The following TGFBR3 variants were observed in gnomAD, a reference collection of about 807,000 sequenced individuals.
The protein encoded by TGFBR3 is transforming growth factor beta receptor 3.
In TGFBR3, 46 loss-of-function variants were observed where a neutral mutation model predicts 87.9. The ratio of observed to expected loss-of-function variants is 0.52; its 90% CI spans 0.41 to 0.67. The LOEUF is 0.67. Among genes scored for constraint, TGFBR3 ranks in the 30% least tolerant of loss-of-function variants. The pLI is 0.00. For synonymous variants in TGFBR3, 381 were observed against 391.6 expected (o/e 0.97, Z 0.32); for missense variants, 866 against 1,041.9 (o/e 0.83, Z 2.32).
intron 10 of TGFBR3, 81 bp downstream of exon 10, chr1:91,719,231 A>C (rs954311538): frequency 8.8e-6 from 14 of 1,597,578 alleles, no homozygotes; most frequent in Non-Finnish European, 1.1e-5. Flanking sequence ...TTCATCTTCA[A>C]AGAAATGTTA....
intron 7 of TGFBR3, among the ~76,000 whole-genome samples, chr1:91,726,827 T>G (rs1020285768): frequency 7.0e-6 from 1 of 143,250 alleles, no homozygotes. Flanking sequence ...TTTGAGCCCA[T>G]AGAAGAGATA....
intron 2 of TGFBR3, among the ~76,000 whole-genome samples, chr1:91,814,649 C>A (rs1163504563): frequency 1.3e-5 from 2 of 152,186 alleles, no homozygotes; most frequent in Middle Eastern, 3.4e-3. Context: ...ACTTAATAAA[C>A]CCCTTCAAAC....
At position 91,721,983 on chromosome 1, in the gene TGFBR3, A is replaced by G. The variant is rs1672383518; in HGVS notation, c.1047T>C (p.Asn349=). 8 of 1,613,352 alleles carry G rather than the reference A, an allele frequency of 5.0e-6. No individual in the cohort carries two copies. Among genetic ancestry groups the G allele is most frequent in the Non-Finnish European group, 6.8e-6 (8 of 1,179,626 alleles). Residue 349 remains asparagine, a synonymous_variant, in exon 8 of 17, where the codon AAT becomes AAC. Coordinates refer to ENST00000212355, the MANE Select transcript of TGFBR3 (RefSeq NM_003243.5). The part of the protein sequence containing the change: ...ITSYTMAPVA[N]RFHLRLENNA... Reference sequence around the variant, plus strand: ...TATTTTCAAGCCGAAGATGAAATCTATTAGCCACAGGAGCCATTGTGTATG... The same window carrying G: ...TATTTTCAAGCCGAAGATGAAATCTGTTAGCCACAGGAGCCATTGTGTATG...
chr1:91,811,586 T>G (rs536465406), intron 2 of TGFBR3, among the ~76,000 whole-genome samples: 1 of 152,252 alleles, frequency 6.6e-6, no homozygotes, highest in Admixed American at 6.5e-5. Context: ...AATAAGCAAT[T>G]TCTGAAAGGA....
At chr1:91,790,932 A>G (rs982509856) in intron 3 of TGFBR3, among the ~76,000 whole-genome samples, 1 of 152,206 alleles carries the variant, frequency 6.6e-6, no homozygotes, top group African/African-American at 2.4e-5. Flanking sequence ...TATTATCTGA[A>G]TCTCGATAAT....
intron 2 of TGFBR3, among the ~76,000 whole-genome samples, chr1:91,817,004 C>G (rs1431472055): frequency 4.6e-5 from 7 of 152,172 alleles, no homozygotes; most frequent in Non-Finnish European, 7.4e-5. Context: ...ACACATTTGA[C>G]AGAACCAAAC....
chr1:91,865,471 T>C (rs886287410), intron 1 of TGFBR3, among the ~76,000 whole-genome samples: 1 of 151,904 alleles, frequency 6.6e-6, no homozygotes. Context: ...AAAGTAGAAA[T>C]ATAAATAGGG....
chr1:91,713,176 T>C (rs1672044574), intron 12 of TGFBR3, among the ~76,000 whole-genome samples: 1 of 152,198 alleles, frequency 6.6e-6, no homozygotes, highest in East Asian at 1.9e-4. Flanking sequence ...CAAATCAGCC[T>C]TGCCAAGTAC....
chr1:91,709,703 T>G (rs1671916975), intron 13 of TGFBR3, among the ~76,000 whole-genome samples: 1 of 152,336 alleles, frequency 6.6e-6, no homozygotes, highest in East Asian at 1.9e-4. Context: ...ATGATCACAC[T>G]CCGCACTTTT....
chr1:91,842,673 G>A (rs184777246), intron 2 of TGFBR3, among the ~76,000 whole-genome samples: 1 of 152,152 alleles, frequency 6.6e-6, no homozygotes, highest in Non-Finnish European at 1.5e-5. Context: ...TAATAAGGTT[G>A]TTCTAGCTCT....
At chr1:91,691,626 C>T (rs1439085093) in intron 16 of TGFBR3, among the ~76,000 whole-genome samples, 2 of 152,148 alleles carry the variant, frequency 1.3e-5, no homozygotes, top group East Asian at 1.9e-4. Flanking sequence ...AGAAGAAAGG[C>T]AGGAGATACA....
At chr1:91,881,965 G>C (rs1679100175) in intron 1 of TGFBR3, among the ~76,000 whole-genome samples, 1 of 151,632 alleles carries the variant, frequency 6.6e-6, no homozygotes, top group African/African-American at 2.4e-5. Context: ...CTTGAACCTG[G>C]GAGGCGGAGG....
chr1:91,854,585 AAG>A (rs1677867764), intron 2 of TGFBR3, among the ~76,000 whole-genome samples: 2 of 152,300 alleles, frequency 1.3e-5, no homozygotes, highest in South Asian at 2.1e-4. Context: ...GAAAATTGTT[AAG>A]AGAGTATATT....
chr1:91,687,607 T>A (rs760239211), intron 16 of TGFBR3, among the ~76,000 whole-genome samples: 1 of 152,236 alleles, frequency 6.6e-6, no homozygotes, highest in Non-Finnish European at 1.5e-5. Context: ...AAGCTTGGTA[T>A]TTAGGCCAAA....
intron 2 of TGFBR3, among the ~76,000 whole-genome samples, chr1:91,807,887 C>T (rs1472008659): frequency 6.6e-6 from 1 of 152,156 alleles, no homozygotes; most frequent in Admixed American, 6.5e-5. Flanking sequence ...ACAGGCTTGA[C>T]TTATAGATCA....
At chr1:91,743,845 G>A (rs1214537592) in intron 4 of TGFBR3, among the ~76,000 whole-genome samples, 1 of 152,170 alleles carries the variant, frequency 6.6e-6, no homozygotes, top group Non-Finnish European at 1.5e-5. Flanking sequence ...GTTAGCGAAG[G>A]CATCATTGCT....
chr1:91,815,263 C>G (rs1459117693), intron 2 of TGFBR3, among the ~76,000 whole-genome samples: 1 of 125,820 alleles, frequency 7.9e-6, no homozygotes, highest in Admixed American at 7.9e-5. Context: ...GATCGCACCA[C>G]TGCACTCCAG....
chr1:91,850,840 T>TGA (rs1257401011), intron 2 of TGFBR3, among the ~76,000 whole-genome samples: 4 of 146,788 alleles, frequency 2.7e-5, no homozygotes, highest in African/African-American at 1.0e-4. Context: ...AGGCTGAACC[T>TGA]CTGCCCTCCT....
chr1:91,844,880 G>A (rs1040141454), intron 2 of TGFBR3, among the ~76,000 whole-genome samples: 1 of 152,176 alleles, frequency 6.6e-6, no homozygotes. Context: ...TCTCAGATCT[G>A]TGTTTCTATC....
Sources: allele counts gnomAD v4.1 joint callset (sites outside exome capture counted in the v4.1 genomes callset), GRCh38; gene constraint gnomAD v4.1.1; transcripts MANE v1.5; gene names NCBI Gene and HGNC (gene_info 2026-07-23, HGNC 2026-07-21).